The following GABRA3 variants were observed in gnomAD, a reference collection of about 807,000 sequenced individuals.
GABRA3 encodes the protein gamma-aminobutyric acid receptor subunit alpha-3.
Under a neutral mutation model 30.1 loss-of-function variants are expected in GABRA3, and 10 were observed. That is an observed-to-expected ratio of 0.33 (90% confidence interval 0.20 to 0.56). The LOEUF is 0.56. GABRA3 is among the 20% of genes least tolerant of loss of function. The pLI is 0.89. For synonymous variants in GABRA3, 151 were observed against 146.8 expected (o/e 1.03, Z -0.21); for missense variants, 233 against 392.0 (o/e 0.59, Z 3.42).
At chrX:152,254,104 T>C (rs1385608272) in intron 5 of GABRA3, among the ~76,000 whole-genome samples, 2 of 111,826 alleles carry the variant, frequency 1.8e-5, no homozygotes, top group Admixed American at 1.9e-4. Context: ...TCATTAATGT[T>C]TGCATTTCCA....
At chrX:152,217,274 T>G (rs1937741053) in intron 6 of GABRA3, among the ~76,000 whole-genome samples, 1 of 111,324 alleles carries the variant, frequency 9.0e-6, no homozygotes, top group African/African-American at 3.2e-5. Context: ...TGAGCCAACT[T>G]TGTATTCCTG....
intron 2 of GABRA3, among the ~76,000 whole-genome samples, chrX:152,363,127 G>A (rs1307143436): frequency 3.6e-5 from 4 of 111,413 alleles, no homozygotes; most frequent in Admixed American, 9.5e-5. Flanking sequence ...ACATCACTCA[G>A]GGGATCTGTA....
At chrX:152,446,224 T>A (rs891025303) in intron 1 of GABRA3, among the ~76,000 whole-genome samples, 1 of 112,187 alleles carries the variant, frequency 8.9e-6, no homozygotes, top group Admixed American at 9.4e-5. Context: ...CTGTGAAGTT[T>A]AATAATGCTG....
intron 1 of GABRA3, among the ~76,000 whole-genome samples, chrX:152,431,053 A>G (rs1930640252): frequency 1.8e-5 from 2 of 112,213 alleles, no homozygotes; most frequent in Admixed American, 9.5e-5. Flanking sequence ...AGAACCTACA[A>G]CAGTGTTAGA....
At chrX:152,311,004 G>C (rs1455360907) in intron 3 of GABRA3, among the ~76,000 whole-genome samples, 1 of 111,129 alleles carries the variant, frequency 9.0e-6, no homozygotes, top group Non-Finnish European at 1.9e-5. Context: ...TCCCAAGATT[G>C]AAAGAGGAAG....
At chrX:152,358,325 A>G (rs1380545374) in intron 2 of GABRA3, among the ~76,000 whole-genome samples, 1 of 110,991 alleles carries the variant, frequency 9.0e-6, no homozygotes. Flanking sequence ...CGTGAATGGG[A>G]TTGCGTTTTT....
chrX:152,323,494 G>A (rs938915726), intron 3 of GABRA3, among the ~76,000 whole-genome samples: 1 of 111,413 alleles, frequency 9.0e-6, no homozygotes, highest in Non-Finnish European at 1.9e-5. Context: ...TTACATAAAA[G>A]TAAGGACTAA....
intron 1 of GABRA3, among the ~76,000 whole-genome samples, chrX:152,423,545 C>T (rs1930432246): frequency 9.0e-6 from 1 of 111,381 alleles, no homozygotes; most frequent in South Asian, 3.7e-4. Flanking sequence ...GAATAAAATG[C>T]TACTAAATGT....
intron 1 of GABRA3, among the ~76,000 whole-genome samples, chrX:152,410,499 T>C (rs961660654): frequency 1.8e-5 from 2 of 111,524 alleles, no homozygotes; most frequent in Non-Finnish European, 3.8e-5. Flanking sequence ...TGTATAACTA[T>C]CATGTATCCA....
At chrX:152,314,757 T>C (rs1306668331) in intron 3 of GABRA3, among the ~76,000 whole-genome samples, 2 of 112,177 alleles carry the variant, frequency 1.8e-5, no homozygotes, top group African/African-American at 6.5e-5. Context: ...TAAATCTGAA[T>C]TAGGTATTAC....
intron 3 of GABRA3, among the ~76,000 whole-genome samples, chrX:152,289,918 T>C (rs1343038438): frequency 8.9e-6 from 1 of 112,235 alleles, no homozygotes; most frequent in Non-Finnish European, 1.9e-5. Context: ...AGTCTATCAT[T>C]GGTGGACATT....
chrX:152,376,315 A>C (rs1297171862), intron 1 of GABRA3, among the ~76,000 whole-genome samples: 1 of 110,725 alleles, frequency 9.0e-6, no homozygotes, highest in Non-Finnish European at 1.9e-5. Flanking sequence ...CTTCCCAATA[A>C]ACTACCTTCA....
At chrX:152,250,145 T>C (rs1210394108) in intron 5 of GABRA3, among the ~76,000 whole-genome samples, 1 of 111,632 alleles carries the variant, frequency 9.0e-6, no homozygotes, top group African/African-American at 3.2e-5. Flanking sequence ...CAGCACCTCC[T>C]TTTGCAGCTT....
chrX:152,278,518 A>T (rs1444981965), intron 4 of GABRA3, among the ~76,000 whole-genome samples: 1 of 111,744 alleles, frequency 8.9e-6, no homozygotes, highest in African/African-American at 3.3e-5. Flanking sequence ...ATTGATGGAC[A>T]TTTGGCTTGG....
intron 1 of GABRA3, among the ~76,000 whole-genome samples, chrX:152,401,150 G>A (rs1372458901): frequency 1.8e-5 from 2 of 110,388 alleles, no homozygotes; most frequent in Non-Finnish European, 3.8e-5. Context: ...TTTTTAAACT[G>A]TTACATTTGT....
intron 7 of GABRA3, among the ~76,000 whole-genome samples, chrX:152,199,497 A>G (rs868177277): frequency 1.8e-5 from 1 of 54,555 alleles, no homozygotes. Flanking sequence ...TCCCCTCAGA[A>G]TCTCGAAAGA....
intron 4 of GABRA3, among the ~76,000 whole-genome samples, chrX:152,276,448 A>T (rs1939086858): frequency 8.9e-6 from 1 of 112,042 alleles, no homozygotes. Context: ...TCACAAGAGT[A>T]TTTGGCCCTA....
chrX:152,180,012 G>A (rs201083054), intron 9 of GABRA3, among the ~76,000 whole-genome samples: 1 of 111,928 alleles, frequency 8.9e-6, no homozygotes, highest in East Asian at 2.8e-4. Flanking sequence ...GAATAATGCT[G>A]TAATTATTAT....
At chrX:152,211,515 T>A (rs1293953881) in intron 6 of GABRA3, among the ~76,000 whole-genome samples, 1 of 111,122 alleles carries the variant, frequency 9.0e-6, no homozygotes, top group Non-Finnish European at 1.9e-5. Context: ...AGGAAAGACA[T>A]GAATAAGTGG....
Sources: allele counts gnomAD v4.1 joint callset (sites outside exome capture counted in the v4.1 genomes callset), GRCh38; gene constraint gnomAD v4.1.1; transcripts MANE v1.5; gene names NCBI Gene and HGNC (gene_info 2026-07-23, HGNC 2026-07-21).